KLHL5: variants seen among roughly 807,000 people sequenced by gnomAD.
KLHL5 encodes the protein kelch like family member 5, also known as kelch-like protein 5.
In KLHL5, 48 loss-of-function variants were observed where a neutral mutation model predicts 77.7. The ratio of observed to expected loss-of-function variants is 0.62; its 90% confidence interval spans 0.49 to 0.79. KLHL5 has a LOEUF of 0.79. Ranked by LOEUF, KLHL5 falls within the 30% of genes least tolerant of loss-of-function variation. KLHL5 has a pLI of 0.00. For synonymous variants in KLHL5, 260 were observed against 297.0 expected (o/e 0.88, Z 1.28); for missense variants, 723 against 859.7 (o/e 0.84, Z 1.99).
At chr4:39,050,187 GTA>G (rs1716530189) in intron 1 of KLHL5, among the ~76,000 whole-genome samples, 1 of 151,988 alleles carries the variant, frequency 6.6e-6, no homozygotes, top group South Asian at 2.1e-4. Context: ...TAAATGATGT[GTA>G]TACACACATA....
intron 1 of KLHL5, among the ~76,000 whole-genome samples, chr4:39,054,446 G>A (rs1009108872): frequency 2.0e-5 from 3 of 152,162 alleles, no homozygotes; most frequent in Non-Finnish European, 4.4e-5. Context: ...ACAACAAAAT[G>A]CCCCAGTCAG....
At chr4:39,090,791 A>G (rs13137934) in intron 5 of KLHL5, among the ~76,000 whole-genome samples, 3 of 151,498 alleles carry the variant, frequency 2.0e-5, no homozygotes, top group African/African-American at 7.3e-5. Context: ...CCAGAAGAGA[A>G]GTATTTATGG....
At chr4:39,107,980 A>G (rs1254026009) in intron 8 of KLHL5, among the ~76,000 whole-genome samples, 5 of 151,426 alleles carry the variant, frequency 3.3e-5, no homozygotes, top group African/African-American at 1.2e-4. Context: ...TTAATGTTCA[A>G]TATTAATAAG....
At chr4:39,059,482 C>T (rs1717227598), upstream of KLHL5, among the ~76,000 whole-genome samples, 1 of 152,146 alleles carries the variant, frequency 6.6e-6, no homozygotes, top group Admixed American at 6.5e-5. Flanking sequence ...CACGGTGGCT[C>T]ACGCCTGTAA....
intron 2 of KLHL5, among the ~76,000 whole-genome samples, chr4:39,079,202 T>G (rs1719380178): frequency 6.6e-6 from 1 of 152,132 alleles, no homozygotes; most frequent in Admixed American, 6.5e-5. Context: ...TCCCAACTGG[T>G]CTCCCTGCCT....
intron 4 of KLHL5, among the ~76,000 whole-genome samples, chr4:39,082,811 A>G (rs762797559): frequency 2.0e-5 from 3 of 152,158 alleles, no homozygotes; most frequent in Non-Finnish European, 4.4e-5. Context: ...TAGGATAGTA[A>G]GAAAATAAGG....
At chr4:39,078,709 C>CA (rs1221214967) in intron 2 of KLHL5, among the ~76,000 whole-genome samples, 1 of 151,608 alleles carries the variant, frequency 6.6e-6, no homozygotes. Flanking sequence ...TCACCCCCAG[C>CA]AAAAAAGAAT....
At position 39,103,805 on chromosome 4, in the gene KLHL5, A is replaced by T. The variant is rs1721804216; in HGVS notation, c.1525+294A>T. 2.0e-5 allele frequency among the ~76,000 whole-genome samples: 3 copies of T among 148,612 alleles called. No individual in the cohort carries two copies. In the Admixed American group the frequency reaches 2.1e-4, roughly 10 times the overall value. ...GGAAAAAAGTCTCTACAAAAAATTT[A>T]AAAATTAGCTGGGAAATTTTTTTTT... On this transcript the variant is annotated intron_variant, in intron 7 of 10. Transcript: ENST00000504108.
intron 5 of KLHL5, among the ~76,000 whole-genome samples, chr4:39,095,262 TA>T (rs1194107539): frequency 6.6e-6 from 1 of 152,138 alleles, no homozygotes; most frequent in Non-Finnish European, 1.5e-5. Context: ...GTGATATCAT[TA>T]ACAAAAAGAG....
chr4:39,076,875 T>C (rs1015373701), intron 2 of KLHL5, among the ~76,000 whole-genome samples: 5 of 151,318 alleles, frequency 3.3e-5, no homozygotes, highest in African/African-American at 9.7e-5. Flanking sequence ...AAAGACTTCA[T>C]GACCAATAAC....
intron 6 of KLHL5, among the ~76,000 whole-genome samples, chr4:39,102,577 C>T (rs76979564): frequency 0.015 from 2,276 of 152,004 alleles, 60 homozygotes; most frequent in African/African-American, 0.052. Context: ...TTCCTGCCTC[C>T]CCACGAACCA....
chr4:39,073,828 A>T (rs966812563), intron 1 of KLHL5, among the ~76,000 whole-genome samples: 99 of 146,294 alleles, frequency 6.8e-4, no homozygotes, highest in Admixed American at 1.9e-3. Flanking sequence ...TTTTATTTTT[A>T]TTTTTTTTTT....
chr4:39,112,709 A>G (rs1174427973), intron 8 of KLHL5: 1 of 315,092 alleles, frequency 3.2e-6, no homozygotes, highest in East Asian at 7.4e-5. Context: ...TCTAAGACAT[A>G]TTTTAACACC....
chr4:39,113,328 G>GA, intron 9 of KLHL5, 96 bp downstream of exon 9: 1 of 1,012,872 alleles, frequency 9.9e-7, no homozygotes, highest in Non-Finnish European at 1.4e-6. Flanking sequence ...AATTGGAAGG[G>GA]AAAGTCGGCA....
chr4:39,077,259 C>A (rs550328391), intron 2 of KLHL5, among the ~76,000 whole-genome samples: 11 of 151,840 alleles, frequency 7.2e-5, no homozygotes, highest in Non-Finnish European at 1.2e-4. Flanking sequence ...GAGATTGAGA[C>A]CATCCTGGCT....
At chr4:39,058,487 C>T (rs919307424), upstream of KLHL5, among the ~76,000 whole-genome samples, 13 of 151,920 alleles carry the variant, frequency 8.6e-5, no homozygotes, top group African/African-American at 2.7e-4. Context: ...TGTGATGGTG[C>T]GTGCCTGTAG....
intron 1 of KLHL5, among the ~76,000 whole-genome samples, chr4:39,048,209 CAG>C (rs2110105402): frequency 6.6e-6 from 1 of 152,282 alleles, no homozygotes; most frequent in South Asian, 2.1e-4. Flanking sequence ...ATGGCAAGTA[CAG>C]AGAGTTGAGA....
chr4:39,102,987 T>C (rs552202337), intron 6 of KLHL5, among the ~76,000 whole-genome samples: 1 of 152,186 alleles, frequency 6.6e-6, no homozygotes, highest in East Asian at 1.9e-4. Flanking sequence ...TTGGCTTCCA[T>C]GACACTTAAC....
intron 5 of KLHL5, among the ~76,000 whole-genome samples, chr4:39,089,181 A>G (rs950319663): frequency 6.6e-6 from 1 of 152,200 alleles, no homozygotes; most frequent in East Asian, 1.9e-4. Context: ...ATATAGATAG[A>G]AATTACCAGA....
Sources: allele counts gnomAD v4.1 joint callset (sites outside exome capture counted in the v4.1 genomes callset), GRCh38; gene constraint gnomAD v4.1.1; transcripts MANE v1.5; gene names NCBI Gene and HGNC (gene_info 2026-07-23, HGNC 2026-07-21).